Variants in SIRT2 observed in about 807,000 individuals in gnomAD.
SIRT2 encodes sirtuin 2, also known as NAD-dependent protein deacetylase sirtuin-2.
Under a neutral mutation model 57.4 loss-of-function variants are expected in SIRT2, and 40 were observed. The ratio of observed to expected loss-of-function variants is 0.70; its 90% CI spans 0.54 to 0.91. The LOEUF (loss-of-function observed/expected upper bound fraction) is 0.91, where lower values mean the gene tolerates loss of function less well. SIRT2 is among the 40% of genes least tolerant of loss of function. The pLI, the probability that SIRT2 is intolerant of heterozygous loss-of-function variation, is 0.00. For missense variants in SIRT2, 439 were observed against 510.4 expected (o/e 0.86, Z 1.35); for synonymous variants, 161 against 195.7 (o/e 0.82, Z 1.48).
chr19:38,880,539 A>C lies in SIRT2; in HGVS notation c.876+146T>G. On this transcript the variant is annotated intron_variant, in intron 13 of 15. Transcript: ENST00000249396. The surrounding 1 kb of genome is among the most constrained non-coding windows in gnomAD (Gnocchi z 4.1). The stretch of plus-strand genomic sequence containing the variant: ...GCAGTGAATGTCCCAGAGGCCTGGA[A>C]CCCGACCCCTCTGGATTCTAGAGCC... 1 of 623,696 alleles carries C rather than the reference A, an allele frequency of 1.6e-6. No individual in the cohort carries two copies. The highest frequency in any genetic ancestry group is 2.8e-6 in the Non-Finnish European group (1 of 352,562). 38.6% of individuals were successfully genotyped at this position (623,696 alleles called of 1,614,324 possible).
chr19:38,892,675 A>G (rs1057421436), intron 4 of SIRT2, among the ~76,000 whole-genome samples: 1 of 151,892 alleles, frequency 6.6e-6, no homozygotes, highest in Non-Finnish European at 1.5e-5. Flanking sequence ...CTGGGCTCAA[A>G]CAATCCTCCC....
Position 38,880,685 on chromosome 19 carries a change from C to T in SIRT2, c.876G>A (p.Gln292=), listed in dbSNP as rs199526285. 1 of 1,563,226 alleles carries T rather than the reference C, an allele frequency of 6.4e-7. No individual in the cohort carries two copies. Among genetic ancestry groups the T allele is most frequent in the Non-Finnish European group, 8.7e-7 (1 of 1,152,352 alleles). The change falls in exon 13 of 16, where the codon CAG becomes CAA. Residue 292 remains glutamine (Q), a splice_region_variant and synonymous_variant. Transcript: ENST00000249396. This position sits in a 1 kb window ranked among gnomAD's most constrained non-coding sequence, Gnocchi z 4.1. ...CGGGGGCTTGAAGAAGGGCTCTTAC[C>T]TGGCCAGCTTTCTCCTTGTTGATGA... ...RLLINKEKAG[Q]SDPFLGMIMG...
At chr19:38,879,976 G>A in intron 13 of SIRT2, 1 of 450,832 alleles carries the variant, frequency 2.2e-6, no homozygotes, top group Non-Finnish European at 4.0e-6. Context: ...CAGGTGCCCA[G>A]CACCATGCCC....
At chr19:38,889,445 G>T in intron 7 of SIRT2, 1 of 664,474 alleles carries the variant, frequency 1.5e-6, no homozygotes, top group South Asian at 1.7e-5. Context: ...TCATTAGTCA[G>T]CTAAGCCTCG....
chr19:38,894,816 C>T (rs1225021694), intron 2 of SIRT2: 2 of 456,074 alleles, frequency 4.4e-6, no homozygotes, highest in Admixed American at 2.4e-5. Flanking sequence ...CTTTCTCTTT[C>T]CACTTTCCTG....
At chr19:38,891,317 G>C (rs1358618252) in intron 4 of SIRT2, among the ~76,000 whole-genome samples, 1 of 150,278 alleles carries the variant, frequency 6.7e-6, no homozygotes, top group Non-Finnish European at 1.5e-5. Flanking sequence ...GGGAGGCCGA[G>C]GGGGGCAGAT....
At chr19:38,895,244 C>A (rs1973681567) in intron 2 of SIRT2, among the ~76,000 whole-genome samples, 1 of 152,182 alleles carries the variant, frequency 6.6e-6, no homozygotes, top group East Asian at 1.9e-4. Context: ...TCAGTCTCCA[C>A]CTCCCATCCA....
At chr19:38,886,696 A>G (rs540739421) in intron 8 of SIRT2, among the ~76,000 whole-genome samples, 20 of 147,670 alleles carry the variant, frequency 1.4e-4, no homozygotes, top group African/African-American at 5.0e-4. Context: ...ATCTTGGCTC[A>G]CTGCAACCTC....
At chr19:38,885,615 G>C (rs1254730235) in intron 8 of SIRT2, among the ~76,000 whole-genome samples, 1 of 135,564 alleles carries the variant, frequency 7.4e-6, no homozygotes, top group Non-Finnish European at 1.6e-5. Flanking sequence ...TTTTTGAGAC[G>C]GAGTCTTGCT....
chr19:38,880,491 A>C lies in SIRT2; in HGVS notation c.876+194T>G. Reference sequence around the variant, plus strand: ...TCTGGCTTCAGCTGGTTTGAGTTGGAATTCTATCACTTGCTCAAAAGGGCA... The same window carrying C: ...TCTGGCTTCAGCTGGTTTGAGTTGGCATTCTATCACTTGCTCAAAAGGGCA... On this transcript the variant is annotated intron_variant, in intron 13 of 15. Transcript: ENST00000249396. The surrounding 1 kb of genome is among the most constrained non-coding windows in gnomAD (Gnocchi z 4.1). The C allele has an allele frequency of 2.0e-6, 1 of 507,502 alleles. No homozygotes were observed. The highest frequency in any genetic ancestry group is 1.9e-5 in the African/African-American group (1 of 51,708). 31.4% of individuals were successfully genotyped at this position (507,502 alleles called of 1,614,324 possible). A position where few individuals can be genotyped will look rare whatever the true frequency, so the allele number is the denominator to read the frequency against.
At position 38,889,748 on chromosome 19, in the gene SIRT2, G is replaced by A. The variant is rs1458623433; in HGVS notation, c.376-3C>T. ...GCGAAGAAGGGTTCCGGATGTTTCT[G>A]TAGGAGAGACAGCCAGAGGGCCAGA... On this transcript the variant is annotated splice_polypyrimidine_tract_variant and splice_region_variant and intron_variant, in intron 6 of 15. Coordinates refer to ENST00000249396, the MANE Select transcript of SIRT2 (RefSeq NM_012237.4). 1.9e-6 allele frequency: 3 copies of A among 1,614,060 alleles called. No individual in the cohort carries two copies. The highest frequency in any genetic ancestry group is 2.5e-6 in the Non-Finnish European group (3 of 1,180,046).
chr19:38,889,346 G>T, intron 7 of SIRT2, 191 bp from the exon 8 acceptor site: 1 of 722,500 alleles, frequency 1.4e-6, no homozygotes, highest in Non-Finnish European at 2.6e-6. Context: ...GAAGGGGATT[G>T]TGTTGCCAAA....
intron 1 of SIRT2, 77 bp from the exon 2 acceptor site, chr19:38,898,502 A>AG: frequency 2.7e-6 from 2 of 734,066 alleles, no homozygotes; most frequent in Non-Finnish European, 2.1e-6. Flanking sequence ...ATGGTCAGTG[A>AG]GGGGGCAAGA....
rs17880870 is a variant in SIRT2 at position 38,898,353 on chromosome 19, C to T, written c.63+26G>A. The T allele has an allele frequency of 1.1e-3, 1,554 of 1,446,762 alleles. 19 individuals carry two copies. In the African/African-American group the frequency reaches 0.02, roughly 18 times the overall value. The allele number at this position is 1,446,762 out of a possible 1,614,324, so 89.6% of individuals were successfully genotyped here. ...TGTGGAACAAGTCCGTCTCTCTCCT[C>T]CCCTCCACCCTTTCCCCCATCTCAC... On this transcript the variant is annotated intron_variant, in intron 2 of 15. Coordinates refer to ENST00000249396, the MANE Select transcript of SIRT2 (RefSeq NM_012237.4).
chr19:38,892,787 A>G (rs1973585842), intron 4 of SIRT2, among the ~76,000 whole-genome samples: 1 of 151,854 alleles, frequency 6.6e-6, no homozygotes, highest in African/African-American at 2.4e-5. Context: ...TATGTTGCCC[A>G]GGCTGGTCTT....
intron 8 of SIRT2, among the ~76,000 whole-genome samples, chr19:38,885,858 G>A (rs2144679800): frequency 6.6e-6 from 1 of 152,170 alleles, no homozygotes; most frequent in African/African-American, 2.4e-5. Flanking sequence ...CAAAGTGCTG[G>A]GATTACAGGT....
At chr19:38,885,818 T>A (rs984692326) in intron 8 of SIRT2, among the ~76,000 whole-genome samples, 4 of 152,046 alleles carry the variant, frequency 2.6e-5, no homozygotes, top group Admixed American at 6.6e-5. Flanking sequence ...CTCGATCTCC[T>A]GACCTCGTGA....
In SIRT2 at chr19:38,898,918, C is replaced by T. The variant is rs563871676; in HGVS notation, c.17-493G>A. On this transcript the variant is annotated intron_variant, in intron 1 of 15. Transcript: ENST00000249396. Reference sequence around the variant, plus strand: ...GGCTCAAGCGATCCTCCTCCTCCTACCTAGGGGATTCAGGGCATGAAGGAA... The same window carrying T: ...GGCTCAAGCGATCCTCCTCCTCCTATCTAGGGGATTCAGGGCATGAAGGAA... The T allele has an allele frequency of 6.9e-4, 114 of 166,324 alleles. 1 individual carries two copies. The highest frequency in any genetic ancestry group is 2.1e-3 in the African/African-American group (88 of 41,856). 10.3% of individuals were successfully genotyped at this position (166,324 alleles called of 1,614,324 possible).
At chr19:38,889,476 T>C (rs1973452935) in intron 7 of SIRT2, 1 of 655,894 alleles carries the variant, frequency 1.5e-6, no homozygotes, top group South Asian at 1.8e-5. Context: ...CTTCAGACAG[T>C]ACCATTAGCT....
Sources: allele counts gnomAD v4.1 joint callset (sites outside exome capture counted in the v4.1 genomes callset), GRCh38; gene constraint gnomAD v4.1.1; non-coding constraint Gnocchi (gnomAD v3.1); transcripts MANE v1.5; gene names NCBI Gene and HGNC (gene_info 2026-07-23, HGNC 2026-07-21).